Variants in HAS3 observed in about 807,000 individuals in gnomAD.
HAS3 encodes the protein HA synthase 3.
A neutral mutation model predicts 50.3 loss-of-function variants in HAS3; 27 were observed. That is an observed-to-expected ratio of 0.54 (90% CI 0.40 to 0.74). The LOEUF is 0.74. Ranked by LOEUF, HAS3 falls within the 30% of genes least tolerant of loss-of-function variation. The probability of loss-of-function intolerance (pLI) is 0.00; values close to 1 mark genes in which losing one functional copy is unlikely to be tolerated. For missense variants in HAS3, 517 were observed against 742.8 expected, an observed-to-expected ratio of 0.70 and a Z score of 3.53; for synonymous variants, 339 against 310.9, an observed-to-expected ratio of 1.09 and a Z score of -0.95.
At chr16:69,100,390 C>T in the HAS3 span, among the ~76,000 whole-genome samples, 21 of 152,284 alleles carry the variant, frequency 1.4e-4, no homozygotes, top group African/African-American at 5.1e-4. Context: ...CCCTCCTTAG[C>T]TTCAAGAGGT....
rs1214123017 is a variant in HAS3 at position 69,117,049 on chromosome 16, G to C, written c.*1783G>C. On this transcript the variant is annotated 3_prime_UTR_variant, in exon 4 of 4. Coordinates refer to ENST00000569188, the MANE Select transcript of HAS3 (RefSeq NM_001199280.2). ...ACAGTTGCCACATCACACAGACCTC[G>C]AGTTTCTGGTAAGACTGCTGGTTGA... 1 of 985,434 alleles carries C rather than the reference G, an allele frequency of 1.0e-6. No homozygotes were observed. Among genetic ancestry groups the C allele is most frequent in the Non-Finnish European group, 1.2e-6 (1 of 829,936 alleles). 61.0% of individuals were successfully genotyped at this position (985,434 alleles called of 1,614,324 possible). A position where few individuals can be genotyped will look rare whatever the true frequency, so the allele number is the denominator to read the frequency against.
chr16:69,111,912 G>A (rs1961015455), intron 2 of HAS3, among the ~76,000 whole-genome samples: 1 of 152,206 alleles, frequency 6.6e-6, no homozygotes, highest in Admixed American at 6.5e-5. Flanking sequence ...GGTTCTGGTG[G>A]ATCAGCAAAC....
chr16:69,100,721 G>A (rs1052238080), upstream of HAS3, among the ~76,000 whole-genome samples: 6 of 152,176 alleles, frequency 3.9e-5, no homozygotes, highest in Non-Finnish European at 5.9e-5. Context: ...GAGGTTACGG[G>A]TGCAGGATAT....
At chr16:69,094,235 G>A in the HAS3 span, among the ~76,000 whole-genome samples, 1 of 152,156 alleles carries the variant, frequency 6.6e-6, no homozygotes, top group African/African-American at 2.4e-5. Flanking sequence ...GAGCTCCTGG[G>A]TGGGGTTTTT....
chr16:69,114,379 A>T lies in HAS3; in HGVS notation c.775A>T (p.Ser259Cys). 6.2e-7 allele frequency: 1 copy of T among 1,607,596 alleles called. No individual in the cohort carries two copies. The highest frequency in any genetic ancestry group is 8.5e-7 in the Non-Finnish European group (1 of 1,179,470). The part of the protein sequence containing the change: ...NKYDSWISFL[S>C]SVRYWMAFNV... ...GTACGACTCATGGATTTCCTTCCTGAGCAGCGTGCGGTACTGGATGGCCTT... is the reference window on the plus strand; with the variant it reads ...GTACGACTCATGGATTTCCTTCCTGTGCAGCGTGCGGTACTGGATGGCCTT... Residue 259 changes from serine (S) to cysteine (C), a missense_variant, in exon 4 of 4, where the codon AGC (serine) becomes TGC (cysteine). Ser to Cys is a moderately radical substitution (Grantham distance 112). Coordinates refer to ENST00000569188, the MANE Select transcript of HAS3 (RefSeq NM_001199280.2). This position sits in a 1 kb window ranked among gnomAD's most constrained non-coding sequence, Gnocchi z 6.4.
chr16:69,100,203 G>A, the HAS3 span, among the ~76,000 whole-genome samples: 1 of 152,212 alleles, frequency 6.6e-6, no homozygotes, highest in African/African-American at 2.4e-5. Flanking sequence ...AGAGGGGAAA[G>A]TTATGAAAGA....
intron 2 of HAS3, among the ~76,000 whole-genome samples, chr16:69,111,157 A>AATTTTT (rs1960987946): frequency 1.6e-5 from 1 of 62,274 alleles, no homozygotes; most frequent in Non-Finnish European, 2.7e-5. Flanking sequence ...CTAGGCCAGG[A>AATTTTT]TTTTTTTTTT....
Position 69,116,693 on chromosome 16 carries a change from T to G in HAS3, c.*1427T>G. The G allele has an allele frequency of 1.0e-6, 1 of 985,400 alleles. No homozygotes were observed. Among genetic ancestry groups the G allele is most frequent in the Non-Finnish European group, 1.2e-6 (1 of 829,912 alleles). The allele number at this position is 985,400 out of a possible 1,614,324, so 61.0% of individuals were successfully genotyped here. ...TGCCTCCTGAGGCTGTTTTTGGCTG[T>G]TTTCCCTCTGCTGCTTTTGGGGAAT... On this transcript the variant is annotated 3_prime_UTR_variant, in exon 4 of 4. Transcript: ENST00000569188.
At chr16:69,087,309 C>G in the HAS3 span, among the ~76,000 whole-genome samples, 2 of 152,228 alleles carry the variant, frequency 1.3e-5, no homozygotes, top group Non-Finnish European at 2.9e-5. Context: ...CTTGTGGCTA[C>G]AGCCAAACCC....
rs115174594 is a variant in HAS3, at chr16:69,113,265, G to A, written c.637-176G>A. ...GTCTGGTAGCTGTACACTTTTACTA[G>A]CTTTCATTTTACCTCTGGCACCTTC... is the stretch of plus-strand genomic sequence containing the variant. On this transcript the variant is annotated intron_variant, in intron 2 of 3. Transcript: ENST00000569188. 7.7e-3 allele frequency among the ~76,000 whole-genome samples: 1,166 copies of A among 152,282 alleles called. 17 individuals carry two copies. Among genetic ancestry groups the A allele is most frequent in the African/African-American group, 0.025 (1,047 of 41,542 alleles).
In HAS3 at chr16:69,114,425, A is replaced by G; in HGVS notation, c.821A>G (p.Gln274Arg). Residue 274 changes from glutamine (Q) to arginine (R), a missense_variant, in exon 4 of 4, where the codon CAG becomes CGG. Gln to Arg is a conservative substitution (Grantham distance 43). Coordinates refer to ENST00000569188, the MANE Select transcript of HAS3 (RefSeq NM_001199280.2). The surrounding 1 kb of genome is among the most constrained non-coding windows in gnomAD (Gnocchi z 6.4). ...GCCTTCAACGTGGAGCGGGCCTGCC[A>G]GTCCTACTTTGGCTGTGTGCAGTGT... ...WMAFNVERAC[Q>R]SYFGCVQCIS... is the part of the protein sequence containing the mutation. The G allele has an allele frequency of 6.2e-7, 1 of 1,613,424 alleles. No individual in the cohort carries two copies. Among genetic ancestry groups the G allele is most frequent in the Non-Finnish European group, 8.5e-7 (1 of 1,180,032 alleles).
chr16:69,116,906 C>T lies in HAS3; in HGVS notation c.*1640C>T. 1.0e-6 allele frequency: 1 copy of T among 985,420 alleles called. No homozygotes were observed. The highest frequency in any genetic ancestry group is 1.2e-6 in the Non-Finnish European group (1 of 829,922). 61.0% of individuals were successfully genotyped at this position (985,420 alleles called of 1,614,324 possible). On this transcript the variant is annotated 3_prime_UTR_variant, in exon 4 of 4. Transcript: ENST00000569188. ...GGTGGACAGCAGACAAGAGGGCAAG[C>T]CTCTAGTGTACCAAGTGCTTCCTAC...
rs1294855970 is a variant in HAS3, at chr16:69,107,290, G to A, written c.-1+1503G>A. 1 of 969,508 alleles carries A rather than the reference G, an allele frequency of 1.0e-6. No homozygotes were observed. The highest frequency in any genetic ancestry group is 1.8e-5 in the African/African-American group (1 of 56,926). 60.1% of individuals were successfully genotyped at this position (969,508 alleles called of 1,614,324 possible). On this transcript the variant is annotated intron_variant, in intron 1 of 3. Transcript: ENST00000569188. The surrounding 1 kb of genome is among the most constrained non-coding windows in gnomAD (Gnocchi z 5.5). ...GGGTGGGGGTAGTAACCTGGGTAAT[G>A]CCTCTAATTCCTGCGGGGGAGGGGT...
Position 69,113,542 on chromosome 16 carries a change from G to A in HAS3, c.738G>A (p.Gln246=), listed in dbSNP as rs778473150. ...TAGGGGGAGTCGGGGGAGATGTCCA[G>A]GTAAGATGAGACCAGGGATATCTGT... is the stretch of plus-strand genomic sequence containing the variant. The part of the protein sequence containing the change: ...PQVGGVGGDV[Q]ILNKYDSWIS... Residue 246 remains glutamine, a splice_region_variant and synonymous_variant, in exon 3 of 4, where the codon CAG becomes CAA. Transcript: ENST00000569188. 4 of 1,557,882 alleles carry A rather than the reference G, an allele frequency of 2.6e-6. No homozygotes were observed. The African/African-American group carries it at 5.4e-5, about 21-fold the overall frequency.
upstream of HAS3, among the ~76,000 whole-genome samples, chr16:69,101,962 C>T (rs548560202): frequency 6.6e-6 from 1 of 152,026 alleles, no homozygotes; most frequent in Admixed American, 6.6e-5. Context: ...TTTTTTGTAT[C>T]TTTAGCGGAG....
upstream of HAS3, among the ~76,000 whole-genome samples, chr16:69,103,872 G>A (rs1960722102): frequency 6.6e-6 from 1 of 152,150 alleles, no homozygotes; most frequent in Non-Finnish European, 1.5e-5. Flanking sequence ...AGTCCGCCTA[G>A]CAATCCCATC....
the HAS3 span, among the ~76,000 whole-genome samples, chr16:69,093,310 C>A: frequency 6.6e-6 from 1 of 152,094 alleles, no homozygotes; most frequent in South Asian, 2.1e-4. Flanking sequence ...CTCCCGAGTT[C>A]AAGCGATTCT....
At chr16:69,099,749 A>G in the HAS3 span, among the ~76,000 whole-genome samples, 1 of 151,898 alleles carries the variant, frequency 6.6e-6, no homozygotes, top group Non-Finnish European at 1.5e-5. Context: ...CATTGTCCTC[A>G]TGAACGTGTT....
chr16:69,118,295 A>C (rs747822469), downstream of HAS3: 28 of 1,096,744 alleles, frequency 2.6e-5, no homozygotes, highest in Non-Finnish European at 3.8e-5. Context: ...GTCAAGCAGA[A>C]ACTGCATTCG....
Sources: allele counts gnomAD v4.1 joint callset (sites outside exome capture counted in the v4.1 genomes callset), GRCh38; gene constraint gnomAD v4.1.1; non-coding constraint Gnocchi (gnomAD v3.1); transcripts MANE v1.5; gene names NCBI Gene and HGNC (gene_info 2026-07-23, HGNC 2026-07-21).